ULK4: variants seen among roughly 807,000 people sequenced by gnomAD.
ULK4 encodes the protein inactive serine/threonine-protein kinase ULK4.
In ULK4, 133 loss-of-function variants were observed where a neutral mutation model predicts 160.6. The ratio of observed to expected loss-of-function variants is 0.83; its 90% CI spans 0.72 to 0.96. The LOEUF (loss-of-function observed/expected upper bound fraction) is 0.96. Ranked by LOEUF, ULK4 falls within the 40% of genes least tolerant of loss-of-function variation. The pLI, the probability that ULK4 is intolerant of heterozygous loss-of-function variation, is 0.00. For synonymous variants in ULK4, 534 were observed against 539.8 expected, an observed-to-expected ratio of 0.99 and a Z score of 0.15; for missense variants, 1,580 against 1,499.5, an observed-to-expected ratio of 1.05 and a Z score of -0.89.
intron 17 of ULK4, among the ~76,000 whole-genome samples, chr3:41,875,145 C>G (rs1478634972): frequency 6.6e-6 from 1 of 152,164 alleles, no homozygotes; most frequent in African/African-American, 2.4e-5. Context: ...TGCTACTGCA[C>G]TCCAACCTGG....
chr3:41,492,354 T>C (rs1559645381), intron 32 of ULK4, among the ~76,000 whole-genome samples: 1 of 152,018 alleles, frequency 6.6e-6, no homozygotes, highest in Non-Finnish European at 1.5e-5. Flanking sequence ...GCCAACAGTG[T>C]AAAAGTGTTC....
At chr3:41,757,932 G>T (rs183553722) in intron 21 of ULK4, among the ~76,000 whole-genome samples, 165 of 152,188 alleles carry the variant, frequency 1.1e-3, no homozygotes, top group African/African-American at 3.9e-3. Flanking sequence ...TGGCCGAAAT[G>T]CTCTGATTTT....
intron 22 of ULK4, among the ~76,000 whole-genome samples, chr3:41,721,280 T>TGG (rs2037448703): frequency 1.2e-5 from 1 of 85,096 alleles, no homozygotes; most frequent in African/African-American, 5.6e-5. Context: ...TTTTTTTTTT[T>TGG]TTTTGGGTTT....
chr3:41,740,436 A>C (rs1217002090), intron 22 of ULK4, among the ~76,000 whole-genome samples: 3 of 151,830 alleles, frequency 2.0e-5, no homozygotes, highest in Admixed American at 6.6e-5. Context: ...AAGGATTATC[A>C]TGTTGAGAGA....
intron 32 of ULK4, among the ~76,000 whole-genome samples, chr3:41,489,938 G>A (rs1211799311): frequency 6.6e-6 from 1 of 152,114 alleles, no homozygotes; most frequent in Non-Finnish European, 1.5e-5. Flanking sequence ...TGATTCAGAG[G>A]ACAGGACTCC....
chr3:41,653,949 G>C (rs567393116), intron 30 of ULK4, among the ~76,000 whole-genome samples: 2 of 152,320 alleles, frequency 1.3e-5, no homozygotes, highest in Admixed American at 1.3e-4. Context: ...ATTTATAAAT[G>C]TATGCAATAA....
chr3:41,951,216 A>AT, intron 2 of ULK4, among the ~76,000 whole-genome samples: 1 of 151,510 alleles, frequency 6.6e-6, no homozygotes, highest in Non-Finnish European at 1.5e-5. Flanking sequence ...TTAGAAGGCA[A>AT]TTTTCAGATA....
At chr3:41,813,501 T>C (rs1197727337) in intron 19 of ULK4, among the ~76,000 whole-genome samples, 6 of 152,188 alleles carry the variant, frequency 3.9e-5, no homozygotes, top group Non-Finnish European at 8.8e-5. Context: ...CAGTGACAAA[T>C]AATTTATACA....
intron 25 of ULK4, among the ~76,000 whole-genome samples, chr3:41,711,383 A>G (rs2037091371): frequency 1.3e-5 from 2 of 152,170 alleles, no homozygotes; most frequent in African/African-American, 4.8e-5. Flanking sequence ...AGCGCTCTCA[A>G]TATCATTCAG....
At chr3:41,353,252 T>G (rs1000648634) in intron 35 of ULK4, among the ~76,000 whole-genome samples, 1 of 152,204 alleles carries the variant, frequency 6.6e-6, no homozygotes, top group Non-Finnish European at 1.5e-5. Flanking sequence ...CCACTAAGCA[T>G]TGACCTACCT....
intron 35 of ULK4, among the ~76,000 whole-genome samples, chr3:41,317,673 C>T (rs561443104): frequency 6.6e-6 from 1 of 152,244 alleles, no homozygotes; most frequent in South Asian, 2.1e-4. Flanking sequence ...TCCCTCTGAA[C>T]AACAACAAAT....
At chr3:41,632,808 T>C (rs1485126919) in intron 30 of ULK4, among the ~76,000 whole-genome samples, 1 of 151,748 alleles carries the variant, frequency 6.6e-6, no homozygotes, top group Non-Finnish European at 1.5e-5. Flanking sequence ...CAGAAAGAAC[T>C]TAAGTAAACC....
chr3:41,643,908 A>G (rs1169213270), intron 30 of ULK4, among the ~76,000 whole-genome samples: 8 of 152,160 alleles, frequency 5.3e-5, no homozygotes, highest in South Asian at 2.1e-4. Context: ...GGTCCTTCAC[A>G]TCCCTTGTAA....
intron 30 of ULK4, among the ~76,000 whole-genome samples, chr3:41,627,692 G>C (rs1360238628): frequency 6.6e-6 from 1 of 152,172 alleles, no homozygotes; most frequent in Non-Finnish European, 1.5e-5. Flanking sequence ...TCAAACTCCA[G>C]AGTCAAGCAG....
chr3:41,390,102 A>AG (rs1447140760), intron 35 of ULK4, among the ~76,000 whole-genome samples: 3 of 152,114 alleles, frequency 2.0e-5, no homozygotes, highest in East Asian at 1.9e-4. Context: ...TAGTCTTGGG[A>AG]GGTGTATGTG....
intron 21 of ULK4, among the ~76,000 whole-genome samples, chr3:41,774,225 A>C (rs2039516992): frequency 6.6e-6 from 1 of 151,762 alleles, no homozygotes; most frequent in Admixed American, 6.5e-5. Flanking sequence ...GACAAATGGG[A>C]TCTAATTAAA....
intron 19 of ULK4, among the ~76,000 whole-genome samples, chr3:41,804,475 T>G (rs1016389238): frequency 6.6e-6 from 1 of 151,086 alleles, no homozygotes; most frequent in East Asian, 1.9e-4. Flanking sequence ...GTGCAGAAGC[T>G]CTTTAGTTTA....
intron 3 of ULK4, 51 bp from the exon 4 acceptor site, chr3:41,935,991 G>A: frequency 6.6e-7 from 1 of 1,513,148 alleles, no homozygotes; most frequent in Non-Finnish European, 8.9e-7. Context: ...CCATCACAGA[G>A]TGCCCCTGAG....
rs551843099 is a variant in ULK4, at chr3:41,432,413, C to T, written c.3492+23084G>A. Among the ~76,000 whole-genome samples, 5 of 152,174 alleles carry T rather than the reference C, an allele frequency of 3.3e-5. No individual in the cohort carries two copies. The South Asian group carries it at 6.2e-4, about 19-fold the overall frequency. On this transcript the variant is annotated intron_variant, in intron 34 of 36. Coordinates refer to ENST00000301831, the MANE Select transcript of ULK4 (RefSeq NM_017886.4). Reference sequence around the variant, plus strand: ...GTATTTCCACAGGGAAAACCAGTCCCGAAAATGCTTTTTCTGGAGGATCAC... The same window carrying T: ...GTATTTCCACAGGGAAAACCAGTCCTGAAAATGCTTTTTCTGGAGGATCAC...
Sources: allele counts gnomAD v4.1 joint callset (sites outside exome capture counted in the v4.1 genomes callset), GRCh38; gene constraint gnomAD v4.1.1; transcripts MANE v1.5; gene names NCBI Gene and HGNC (gene_info 2026-07-23, HGNC 2026-07-21).